GRIK1: variants seen among roughly 807,000 people sequenced by gnomAD.
GRIK1 encodes the protein glutamate ionotropic receptor kainate type subunit 1.
In GRIK1, 69 loss-of-function variants were observed where a neutral mutation model predicts 105.7. The ratio of observed to expected loss-of-function variants is 0.65; its 90% CI spans 0.54 to 0.80. The LOEUF (loss-of-function observed/expected upper bound fraction) is 0.80. Ranked by LOEUF, GRIK1 falls within the 30% of genes least tolerant of loss-of-function variation. GRIK1 has a pLI of 0.00. For synonymous variants in GRIK1, 438 were observed against 431.3 expected (o/e 1.02, Z -0.19); for missense variants, 1,109 against 1,167.3 (o/e 0.95, Z 0.73).
At chr21:29,777,943 G>A (rs1439823382) in intron 1 of GRIK1, among the ~76,000 whole-genome samples, 2 of 152,208 alleles carry the variant, frequency 1.3e-5, no homozygotes, top group Non-Finnish European at 2.9e-5. Flanking sequence ...CCTTCACCAT[G>A]ACGCAACACA....
At chr21:29,924,608 A>G (rs1010410950) in intron 1 of GRIK1, among the ~76,000 whole-genome samples, 5 of 152,164 alleles carry the variant, frequency 3.3e-5, no homozygotes, top group Non-Finnish European at 5.9e-5. Context: ...TTTACCTGAA[A>G]GACATGGTAT....
Position 29,939,508 on chromosome 21 carries a change from GCTT to G in GRIK1, c.-11_-9del. Reference sequence around the variant, plus strand: ...GAGTGTGCCGTGCTCCATCTTCCTAGCTTCTTAATTCATGCCGAGATACAGCCG... The same window carrying G: ...GAGTGTGCCGTGCTCCATCTTCCTAGCTTAATTCATGCCGAGATACAGCCG... On this transcript the variant is annotated 5_prime_UTR_variant, in exon 1 of 18. Transcript: ENST00000327783. The G allele has an allele frequency of 1.3e-6, 2 of 1,539,366 alleles. No homozygotes were observed. The highest frequency in any genetic ancestry group is 5.0e-5 in the East Asian group (2 of 40,078).
At chr21:29,596,446 C>T (rs1454713863) in intron 9 of GRIK1, 80 bp downstream of exon 9, 1 of 921,878 alleles carries the variant, frequency 1.1e-6, no homozygotes, top group Non-Finnish European at 1.8e-6. Flanking sequence ...GGTCTGGTAA[C>T]ATTGGAAGGG....
chr21:29,695,903 G>GA (rs940706243), intron 1 of GRIK1, among the ~76,000 whole-genome samples: 6 of 151,676 alleles, frequency 4.0e-5, no homozygotes, highest in Non-Finnish European at 8.8e-5. Flanking sequence ...TTCAAAGGGG[G>GA]AAAAAAAAGA....
At chr21:29,780,480 C>T (rs971777307) in intron 1 of GRIK1, among the ~76,000 whole-genome samples, 2 of 152,114 alleles carry the variant, frequency 1.3e-5, no homozygotes, top group Non-Finnish European at 2.9e-5. Flanking sequence ...TTATTAAAGC[C>T]AACAAGTACC....
intron 1 of GRIK1, among the ~76,000 whole-genome samples, chr21:29,873,129 T>C (rs891079441): frequency 6.6e-6 from 1 of 152,166 alleles, no homozygotes; most frequent in Non-Finnish European, 1.5e-5. Flanking sequence ...ATCTTTGAGG[T>C]AAAAAGAGCC....
At chr21:29,814,113 AATT>A (rs1414699735) in intron 1 of GRIK1, among the ~76,000 whole-genome samples, 1 of 138,784 alleles carries the variant, frequency 7.2e-6, no homozygotes, top group Non-Finnish European at 1.5e-5. Context: ...TAATAATAAT[AATT>A]ATTATTTTTT....
chr21:29,887,220 C>T (rs2069661706), intron 1 of GRIK1, among the ~76,000 whole-genome samples: 1 of 152,200 alleles, frequency 6.6e-6, no homozygotes, highest in South Asian at 2.1e-4. Context: ...ATTGCCTACA[C>T]TGCACATTTT....
In GRIK1 at chr21:29,673,093, G is replaced by T. The variant is rs768612721; in HGVS notation, c.616C>A (p.Pro206Thr). 6.2e-7 allele frequency: 1 copy of T among 1,611,416 alleles called. No homozygotes were observed. Among genetic ancestry groups the T allele is most frequent in the East Asian group, 2.2e-5 (1 of 44,862 alleles). Residue 206 changes from proline to threonine, a missense_variant, in exon 4 of 18, where the codon CCC becomes ACC. Coordinates refer to ENST00000327783, the MANE Select transcript of GRIK1 (RefSeq NM_001330994.2). ...YNIKIKIRQL[P>T]SGNKDAKPLL... ...GGCTTGGCATCTTTATTCCCAGAGG[G>T]CAGCTGGCGGATTTTGATTTTAATA...
At chr21:29,792,160 G>T (rs1355233603) in intron 1 of GRIK1, among the ~76,000 whole-genome samples, 1 of 151,958 alleles carries the variant, frequency 6.6e-6, no homozygotes, top group Non-Finnish European at 1.5e-5. Flanking sequence ...GTGTATATGT[G>T]TATATGTATG....
chr21:29,900,096 A>T (rs1393170578), intron 1 of GRIK1, among the ~76,000 whole-genome samples: 2 of 151,420 alleles, frequency 1.3e-5, no homozygotes, highest in Admixed American at 6.6e-5. Flanking sequence ...AAAAAAAAAA[A>T]AAAGAAAATA....
chr21:29,566,647 T>G (rs1025892786), intron 14 of GRIK1, among the ~76,000 whole-genome samples: 76 of 152,306 alleles, frequency 5.0e-4, no homozygotes, highest in African/African-American at 1.7e-3. Context: ...AATTACTTAT[T>G]GAAAATAGTA....
chr21:29,866,917 C>A (rs575951243), intron 1 of GRIK1, among the ~76,000 whole-genome samples: 1 of 152,078 alleles, frequency 6.6e-6, no homozygotes, highest in African/African-American at 2.4e-5. Context: ...CCTTTTGAGT[C>A]CTGCACTCAG....
At chr21:29,700,452 G>A (rs1040191783) in intron 1 of GRIK1, among the ~76,000 whole-genome samples, 10 of 152,244 alleles carry the variant, frequency 6.6e-5, no homozygotes, top group East Asian at 3.9e-4. Flanking sequence ...TGTGCTATTC[G>A]TGAAGACACC....
At chr21:29,556,171 A>AGTG (rs2090250814) in intron 15 of GRIK1, among the ~76,000 whole-genome samples, 1 of 152,208 alleles carries the variant, frequency 6.6e-6, no homozygotes. Context: ...TCTACCCCGA[A>AGTG]GTGGACAAGG....
In GRIK1 at chr21:29,820,785, C is replaced by T. The variant is rs115942493; in HGVS notation, c.118+118598G>A. Among the ~76,000 whole-genome samples the T allele has an allele frequency of 5.6e-3, 845 of 151,982 alleles. 10 individuals are homozygous for T. The highest frequency in any genetic ancestry group is 0.02 in the African/African-American group (811 of 41,478). The stretch of plus-strand genomic sequence containing the variant: ...GGCACTGATTTAAGTGACATACATA[C>T]GTTAATTGATTTATTACTAGGCAAT... On this transcript the variant is annotated intron_variant, in intron 1 of 17. Transcript: ENST00000327783.
At chr21:29,648,759 G>C (rs1053237875) in intron 6 of GRIK1, among the ~76,000 whole-genome samples, 3 of 152,136 alleles carry the variant, frequency 2.0e-5, no homozygotes, top group African/African-American at 7.2e-5. Context: ...AGAAAAACCA[G>C]GGAGGGGGCT....
At chr21:29,744,873 T>A (rs556794171) in intron 1 of GRIK1, among the ~76,000 whole-genome samples, 3 of 151,786 alleles carry the variant, frequency 2.0e-5, no homozygotes, top group Admixed American at 1.3e-4. Context: ...AGGAGACACT[T>A]TGACCTGTAT....
At chr21:29,758,375 C>A (rs1396288108) in intron 1 of GRIK1, among the ~76,000 whole-genome samples, 1 of 152,196 alleles carries the variant, frequency 6.6e-6, no homozygotes, top group Non-Finnish European at 1.5e-5. Flanking sequence ...AGCAAAGTCA[C>A]GTCTTCCATG....
Sources: gnomAD v4.1 joint callset for allele counts (sites outside exome capture counted in the v4.1 genomes callset) on GRCh38, gnomAD v4.1.1 for gene constraint, MANE v1.5 for transcripts, NCBI Gene and HGNC (gene_info 2026-07-23, HGNC 2026-07-21) for gene names.